SGSM2: variants seen among roughly 807,000 people sequenced by gnomAD.
SGSM2 encodes the protein RUN and TBC1 domain containing 1.
Under a neutral mutation model 126.6 loss-of-function variants are expected in SGSM2, and 89 were observed. The ratio of observed to expected loss-of-function variants is 0.70; its 90% CI spans 0.59 to 0.84. The LOEUF is 0.84. Ranked by LOEUF, SGSM2 falls within the 40% of genes least tolerant of loss-of-function variation. SGSM2 has a pLI of 0.00. For synonymous variants in SGSM2, 614 were observed against 574.3 expected (o/e 1.07, Z -0.99); for missense variants, 1,404 against 1,416.6 (o/e 0.99, Z 0.14).
intron 2 of SGSM2, among the ~76,000 whole-genome samples, chr17:2,350,940 G>T (rs1031590156): frequency 6.6e-6 from 1 of 152,188 alleles, no homozygotes; most frequent in African/African-American, 2.4e-5. Context: ...CTTGACCAAA[G>T]TCAAACAGCC....
intron 1 of SGSM2, among the ~76,000 whole-genome samples, chr17:2,339,630 C>A (rs1174169312): frequency 6.6e-6 from 1 of 150,822 alleles, no homozygotes; most frequent in African/African-American, 2.4e-5. Flanking sequence ...ATGGCATGAA[C>A]CCGGGAGGCA....
rs752236005 is a variant in SGSM2 at position 2,362,123 on chromosome 17, T to C, written c.311T>C (p.Val104Ala). Residue 104 changes from valine (V) to alanine (A), a missense_variant, in exon 4 of 24, where the codon GTC (valine) becomes GCC (alanine). Physicochemically the swap from Val to Ala is moderately conservative, Grantham distance 64. Transcript: ENST00000268989. This position sits in a 1 kb window ranked among gnomAD's most constrained non-coding sequence, Gnocchi z 4.9. The stretch of plus-strand genomic sequence containing the variant: ...CGCCTTTGCAGGAAACCCTCAGGGG[T>C]CAGCCAGGAGGCCCTGCGGAGACAG... Reference protein sequence around the residue: ...QQAEGRKPSGVSQEALRRQGS... With the variant: ...QQAEGRKPSGASQEALRRQGS... The C allele has an allele frequency of 1.2e-6, 2 of 1,612,448 alleles. No homozygotes were observed. The highest frequency in any genetic ancestry group is 2.2e-5 in the South Asian group (2 of 91,056).
chr17:2,354,094 A>G (rs553513778), intron 2 of SGSM2, among the ~76,000 whole-genome samples: 2 of 152,182 alleles, frequency 1.3e-5, no homozygotes, highest in East Asian at 1.9e-4. Context: ...TTTTGTAGAG[A>G]TGGGGTCTCC....
In SGSM2 at chr17:2,376,262, G is replaced by A. The variant is rs1567850164; in HGVS notation, c.2609+1G>A. 3 of 1,613,590 alleles carry A rather than the reference G, an allele frequency of 1.9e-6. No individual in the cohort carries two copies. The highest frequency in any genetic ancestry group is 1.7e-6 in the Non-Finnish European group (2 of 1,179,968). On this transcript the variant is annotated splice_donor_variant, in intron 19 of 23. Transcript: ENST00000268989. LOFTEE classifies it high-confidence loss of function. ...AGAGGCTCAGAGACGTCATGTGCAG[G>A]TGCCTTGTGGGGCGGGGCTCAGGGT... is the stretch of plus-strand genomic sequence containing the variant.
chr17:2,342,386 T>C (rs1337987859), intron 1 of SGSM2, among the ~76,000 whole-genome samples: 2 of 151,946 alleles, frequency 1.3e-5, no homozygotes, highest in Non-Finnish European at 2.9e-5. Context: ...AACGCGCCAC[T>C]TCACTCCAGC....
Position 2,377,886 on chromosome 17 carries a change from G to A in SGSM2, c.2832G>A (p.Met944Ile), listed in dbSNP as rs759301763. ...QILDSELFEL[M>I]HQNGDYTHFY... is the part of the protein sequence containing the mutation. ...TGGACTCAGAGCTGTTTGAGCTGAT[G>A]CATCAGAATGGAGACTACACCCACT... The change falls in exon 22 of 24, where the codon ATG becomes ATA. Residue 944 changes from methionine (M) to isoleucine (I), a missense_variant. Transcript: ENST00000268989. 1.2e-6 allele frequency: 2 copies of A among 1,612,722 alleles called. No individual in the cohort carries two copies. Among genetic ancestry groups the A allele is most frequent in the South Asian group, 1.1e-5 (1 of 91,066 alleles).
intron 18 of SGSM2, 130 bp from the exon 19 acceptor site, chr17:2,376,007 C>T: frequency 6.6e-7 from 1 of 1,519,580 alleles, no homozygotes; most frequent in Non-Finnish European, 8.8e-7. Flanking sequence ...GAGCCCATTT[C>T]TCAGCATCCC....
chr17:2,353,797 CTCCTT>C (rs1443852833), intron 2 of SGSM2, among the ~76,000 whole-genome samples: 2 of 151,928 alleles, frequency 1.3e-5, no homozygotes, highest in Non-Finnish European at 2.9e-5. Context: ...AAAAGTCTCA[CTCCTT>C]TCTCTGCTCT....
At chr17:2,338,759 C>T (rs2064202913) in intron 1 of SGSM2, among the ~76,000 whole-genome samples, 1 of 120,622 alleles carries the variant, frequency 8.3e-6, no homozygotes, top group African/African-American at 3.4e-5. Flanking sequence ...CCTTGAGTCT[C>T]TATGCCGTCT....
Position 2,377,880 on chromosome 17 carries a change from G to A in SGSM2, c.2826G>A (p.Glu942=), listed in dbSNP as rs2066253424. The part of the protein sequence containing the change: ...LIQILDSELF[E]LMHQNGDYTH... ...AGATCCTGGACTCAGAGCTGTTTGA[G>A]CTGATGCATCAGAATGGAGACTACA... Residue 942 remains glutamate (E), a synonymous_variant, in exon 22 of 24, where the codon GAG becomes GAA. Coordinates refer to ENST00000268989, the MANE Select transcript of SGSM2 (RefSeq NM_014853.3). 4.3e-6 allele frequency: 7 copies of A among 1,611,908 alleles called. No individual in the cohort carries two copies. The highest frequency in any genetic ancestry group is 1.3e-5 in the African/African-American group (1 of 74,872).
rs113533320 is a variant in SGSM2, at chr17:2,364,294, T to C, written c.932+111T>C. 224 of 1,390,976 alleles carry C rather than the reference T, an allele frequency of 1.6e-4. No homozygotes were observed. In the African/African-American group the frequency reaches 2.9e-3, roughly 18 times the overall value. 86.2% of individuals were successfully genotyped at this position (1,390,976 alleles called of 1,614,324 possible). The stretch of plus-strand genomic sequence containing the variant: ...CCAGGAGGCCAACCTCACTCTTTAT[T>C]TGGACGCCAAGAATAGCAGGGAGCG... On this transcript the variant is annotated intron_variant, in intron 8 of 23. Coordinates refer to ENST00000268989, the MANE Select transcript of SGSM2 (RefSeq NM_014853.3).
At chr17:2,375,927 C>T in intron 18 of SGSM2, 52 bp downstream of exon 18, 1 of 1,510,056 alleles carries the variant, frequency 6.6e-7, no homozygotes, top group Non-Finnish European at 8.8e-7. Flanking sequence ...GCCCTCCTGA[C>T]ATCCCAGAGC....
In SGSM2 at chr17:2,367,512, T is replaced by C. The variant is rs1414299777; in HGVS notation, c.1423+107T>C. 1 of 1,303,298 alleles carries C rather than the reference T, an allele frequency of 7.7e-7. No homozygotes were observed. Among genetic ancestry groups the C allele is most frequent in the Non-Finnish European group, 1.1e-6 (1 of 940,392 alleles). The allele number at this position is 1,303,298 out of a possible 1,614,324, so 80.7% of individuals were successfully genotyped here. On this transcript the variant is annotated intron_variant, in intron 12 of 23. Transcript: ENST00000268989. This position sits in a 1 kb window ranked among gnomAD's most constrained non-coding sequence, Gnocchi z 4.0. ...AACGGCAGTGTTGGCATTAGGGGAC[T>C]TGCACCCAGGGCAGTTCCCTTCCAT...
Position 2,372,791 on chromosome 17 carries a change from G to T in SGSM2, c.1789-162G>T, listed in dbSNP as rs3213714. 0.13 allele frequency: 124,354 copies of T among 979,038 alleles called. 13,276 individuals are homozygous for T. Among genetic ancestry groups the T allele is most frequent in the African/African-American group, 0.5 (30,006 of 60,404 alleles). 60.6% of individuals were successfully genotyped at this position (979,038 alleles called of 1,614,324 possible). ...AGAACGAGATCTCATCCCACTGTGA[G>T]CTGGGGCACGGGAGGACGTGGCCAC... On this transcript the variant is annotated intron_variant, in intron 15 of 23. Transcript: ENST00000268989. This position sits in a 1 kb window ranked among gnomAD's most constrained non-coding sequence, Gnocchi z 6.0.
intron 21 of SGSM2, 96 bp downstream of exon 21, chr17:2,377,164 A>G (rs1028119739): frequency 1.4e-6 from 1 of 734,832 alleles, no homozygotes; most frequent in Non-Finnish European, 2.3e-6. Context: ...CATACTTGAC[A>G]TAGAAACTTA....
chr17:2,350,586 C>T (rs995505836), intron 2 of SGSM2, among the ~76,000 whole-genome samples: 3 of 151,790 alleles, frequency 2.0e-5, no homozygotes, highest in Admixed American at 1.3e-4. Context: ...CCACTGTACT[C>T]CAGCCTGGGC....
rs547614386 is a variant in SGSM2, at chr17:2,366,344, A to C, written c.1289-927A>C. Reference sequence around the variant, plus strand: ...GCTGCCCATAGGCTTCTCTGGGCAGACTTGCTTTTCTTACAGATAAGGTCG... The same window carrying C: ...GCTGCCCATAGGCTTCTCTGGGCAGCCTTGCTTTTCTTACAGATAAGGTCG... On this transcript the variant is annotated intron_variant, in intron 11 of 23. Transcript: ENST00000268989. 1.9e-4 allele frequency among the ~76,000 whole-genome samples: 29 copies of C among 152,272 alleles called. 1 individual carries two copies. Among genetic ancestry groups the C allele is most frequent in the African/African-American group, 6.0e-4 (25 of 41,546 alleles).
At position 2,373,427 on chromosome 17, in the gene SGSM2, G is replaced by A. The variant is rs1393888179; in HGVS notation, c.2014G>A (p.Ala672Thr). The A allele has an allele frequency of 1.2e-6, 2 of 1,611,442 alleles. No homozygotes were observed. The highest frequency in any genetic ancestry group is 1.7e-6 in the Non-Finnish European group (2 of 1,179,980). Reference sequence around the variant, plus strand: ...GCAGCGGGAGCGGGAGGCCCACCCAGCCACACGCACCAAGTTCTCCTCAGG... The same window carrying A: ...GCAGCGGGAGCGGGAGGCCCACCCAACCACACGCACCAAGTTCTCCTCAGG... ...VRQREREAHP[A>T]TRTKFSSGSS... is the part of the protein sequence containing the mutation. Residue 672 changes from alanine to threonine, a missense_variant, in exon 17 of 24, where the codon GCC becomes ACC. By Grantham distance (58) the Ala-to-Thr change is moderately conservative. Transcript: ENST00000268989.
chr17:2,372,055 C>T lies in SGSM2; in HGVS notation c.1578-135C>T, dbSNP rs866891749. 1 of 1,041,242 alleles carries T rather than the reference C, an allele frequency of 9.6e-7. No homozygotes were observed. Among genetic ancestry groups the T allele is most frequent in the Non-Finnish European group, 1.4e-6 (1 of 697,362 alleles). 64.5% of individuals were successfully genotyped at this position (1,041,242 alleles called of 1,614,324 possible). On this transcript the variant is annotated intron_variant, in intron 13 of 23. Transcript: ENST00000268989. The surrounding 1 kb of genome is among the most constrained non-coding windows in gnomAD (Gnocchi z 6.0). ...GGGACAGGGCACCCACTGACGGCTGCTGGGCTGCGGCTCCTCCTCCTCGCA... is the reference window on the plus strand; with the variant it reads ...GGGACAGGGCACCCACTGACGGCTGTTGGGCTGCGGCTCCTCCTCCTCGCA...
Sources: gnomAD v4.1 joint callset for allele counts (sites outside exome capture counted in the v4.1 genomes callset) on GRCh38, gnomAD v4.1.1 for gene constraint, Gnocchi (gnomAD v3.1) non-coding constraint, MANE v1.5 for transcripts, NCBI Gene and HGNC (gene_info 2026-07-23, HGNC 2026-07-21) for gene names.